The following CD2AP variants were observed in gnomAD, a reference collection of about 807,000 sequenced individuals.
CD2AP encodes CD2 associated protein, also known as CD2-associated protein.
Under a neutral mutation model 85.1 loss-of-function variants are expected in CD2AP, and 46 were observed. The ratio of observed to expected loss-of-function variants is 0.54; its 90% CI spans 0.43 to 0.69. The LOEUF (loss-of-function observed/expected upper bound fraction) is 0.69, where lower values mean the gene tolerates loss of function less well. Ranked by LOEUF, CD2AP falls within the 30% of genes least tolerant of loss-of-function variation. The pLI is 0.00. For synonymous variants in CD2AP, 255 were observed against 252.9 expected, an observed-to-expected ratio of 1.01 and a Z score of -0.08; for missense variants, 769 against 729.5, an observed-to-expected ratio of 1.05 and a Z score of -0.62.
At chr6:47,569,888 T>C (rs1209457770) in intron 5 of CD2AP, among the ~76,000 whole-genome samples, 1 of 152,182 alleles carries the variant, frequency 6.6e-6, no homozygotes, top group African/African-American at 2.4e-5. Flanking sequence ...GCAAGGAAAC[T>C]TTTTCTGGAG....
chr6:47,599,468 T>C, intron 13 of CD2AP, 25 bp downstream of exon 13: 2 of 1,603,206 alleles, frequency 1.2e-6, no homozygotes, highest in Non-Finnish European at 1.7e-6. Context: ...ACAGCGGTGG[T>C]GCATTTAAAA....
chr6:47,616,791 T>C (rs555607423), intron 17 of CD2AP, among the ~76,000 whole-genome samples: 1 of 152,280 alleles, frequency 6.6e-6, no homozygotes, highest in African/African-American at 2.4e-5. Context: ...ATTCAGTCTG[T>C]AACCCCTTGC....
intron 2 of CD2AP, among the ~76,000 whole-genome samples, chr6:47,530,505 A>AT (rs1223971476): frequency 5.3e-5 from 8 of 152,230 alleles, no homozygotes; most frequent in East Asian, 1.9e-4. Flanking sequence ...AAATTGATAG[A>AT]TTTTTTTGTG....
intron 3 of CD2AP, 31 bp from the exon 4 acceptor site, chr6:47,544,575 A>G: frequency 7.5e-7 from 1 of 1,327,690 alleles, no homozygotes; most frequent in Non-Finnish European, 1.1e-6. Context: ...ATCATTCTTA[A>G]TCTAATTTCT....
chr6:47,608,575 G>T (rs937183223), intron 15 of CD2AP, among the ~76,000 whole-genome samples: 7 of 152,132 alleles, frequency 4.6e-5, no homozygotes, highest in Non-Finnish European at 1.0e-4. Context: ...ATTTTTGTCA[G>T]CGTTTCCAAT....
At chr6:47,576,459 C>G in intron 6 of CD2AP, 65 bp from the exon 7 acceptor site, 1 of 1,095,136 alleles carries the variant, frequency 9.1e-7, no homozygotes, top group Admixed American at 1.7e-5. Flanking sequence ...TAAATGGAAA[C>G]TTTGTTTAAC....
intron 4 of CD2AP, among the ~76,000 whole-genome samples, chr6:47,554,347 A>G (rs2114062041): frequency 6.6e-6 from 1 of 152,352 alleles, no homozygotes; most frequent in East Asian, 1.9e-4. Context: ...TGCTGTTAAT[A>G]CAGTATATAT....
chr6:47,501,682 G>GTA (rs1491006447), intron 1 of CD2AP, among the ~76,000 whole-genome samples: 2 of 150,742 alleles, frequency 1.3e-5, no homozygotes, highest in South Asian at 4.2e-4. Context: ...GTGTGTGTGT[G>GTA]TATTTTCTTT....
At chr6:47,492,347 CTTTT>C (rs70999626) in intron 1 of CD2AP, among the ~76,000 whole-genome samples, 9 of 95,510 alleles carry the variant, frequency 9.4e-5, no homozygotes, top group Non-Finnish European at 7.7e-5. Context: ...CACCTGTAAT[CTTTT>C]TTTTTTTTTT....
intron 3 of CD2AP, among the ~76,000 whole-genome samples, chr6:47,536,619 A>G (rs549505132): frequency 6.6e-6 from 1 of 152,366 alleles, no homozygotes; most frequent in South Asian, 2.1e-4. Context: ...AACTTTTGCT[A>G]TGATCCATTG....
chr6:47,567,474 C>T (rs923441395), intron 5 of CD2AP, among the ~76,000 whole-genome samples: 1 of 152,018 alleles, frequency 6.6e-6, no homozygotes, highest in African/African-American at 2.4e-5. Flanking sequence ...CATGATTTAC[C>T]CCCCTTGTTT....
chr6:47,624,450 G>A lies in CD2AP; in HGVS notation c.*223G>A. 2.1e-6 allele frequency: 1 copy of A among 480,256 alleles called. No individual in the cohort carries two copies. The highest frequency in any genetic ancestry group is 3.7e-6 in the Non-Finnish European group (1 of 271,208). The allele number at this position is 480,256 out of a possible 1,614,324, so 29.7% of individuals were successfully genotyped here. On this transcript the variant is annotated 3_prime_UTR_variant, in exon 18 of 18. Coordinates refer to ENST00000359314, the MANE Select transcript of CD2AP (RefSeq NM_012120.3). ...CTTATTTCTTAACTGTGCTGGGATT[G>A]CAAACACTTTTTAAAAAATTGTTTG...
At chr6:47,560,375 T>C (rs1416151548) in intron 5 of CD2AP, among the ~76,000 whole-genome samples, 4 of 152,188 alleles carry the variant, frequency 2.6e-5, no homozygotes, top group African/African-American at 9.6e-5. Context: ...TTTTTATTAT[T>C]CCAGCATGTT....
At chr6:47,489,873 C>T (rs1219663681) in intron 1 of CD2AP, among the ~76,000 whole-genome samples, 1 of 151,870 alleles carries the variant, frequency 6.6e-6, no homozygotes, top group Admixed American at 6.6e-5. Context: ...TTCAGACTCT[C>T]CTAGTGTGGT....
At chr6:47,551,444 A>G (rs993965274) in intron 4 of CD2AP, among the ~76,000 whole-genome samples, 5 of 152,204 alleles carry the variant, frequency 3.3e-5, no homozygotes, top group African/African-American at 9.6e-5. Flanking sequence ...TGCAGTAATA[A>G]TAGTTAACAT....
chr6:47,503,334 T>C lies in CD2AP; in HGVS notation c.59T>C (p.Ile20Thr). ...YDAVHDDELT[I>T]RVGEIIRNVK... ...GCTGTACATGATGATGAATTAACTA[T>C]TCGAGTTGGAGAAATCATCAGGAAT... Residue 20 changes from isoleucine (I) to threonine (T), a missense_variant, in exon 2 of 18, where the codon ATT becomes ACT. Transcript: ENST00000359314. The C allele has an allele frequency of 6.2e-7, 1 of 1,613,706 alleles. No individual in the cohort carries two copies. The highest frequency in any genetic ancestry group is 8.5e-7 in the Non-Finnish European group (1 of 1,179,756).
At chr6:47,598,301 G>T (rs373962736) in intron 12 of CD2AP, among the ~76,000 whole-genome samples, 1 of 151,008 alleles carries the variant, frequency 6.6e-6, no homozygotes, top group Non-Finnish European at 1.5e-5. Context: ...CACTGCTGGT[G>T]GGAATGTAAA....
intron 2 of CD2AP, 96 bp from the exon 3 acceptor site, chr6:47,533,506 G>A (rs954554733): frequency 3.0e-5 from 34 of 1,119,158 alleles, no homozygotes; most frequent in Admixed American, 1.8e-4. Context: ...GATTTATATA[G>A]TAATTACTGT....
chr6:47,565,885 A>G (rs1395888036), intron 5 of CD2AP, among the ~76,000 whole-genome samples: 1 of 152,198 alleles, frequency 6.6e-6, no homozygotes, highest in East Asian at 1.9e-4. Context: ...CATTTCACTT[A>G]GACTAAAAGC....
Sources: allele counts gnomAD v4.1 joint callset (sites outside exome capture counted in the v4.1 genomes callset), GRCh38; gene constraint gnomAD v4.1.1; transcripts MANE v1.5; gene names NCBI Gene and HGNC (gene_info 2026-07-23, HGNC 2026-07-21).